PHOX2A: variants seen among roughly 807,000 people sequenced by gnomAD.
PHOX2A encodes the protein paired like homeobox 2A.
A neutral mutation model predicts 16.4 loss-of-function variants in PHOX2A; 10 were observed. The ratio of observed to expected loss-of-function variants is 0.61; its 90% confidence interval spans 0.38 to 1.04. The LOEUF (loss-of-function observed/expected upper bound fraction) is 1.04. Among genes scored for constraint, PHOX2A ranks in the 50% least tolerant of loss-of-function variants. The probability of loss-of-function intolerance (pLI) is 0.01; values close to 1 mark genes in which losing one functional copy is unlikely to be tolerated. For missense variants in PHOX2A, 361 were observed against 419.4 expected (o/e 0.86, Z 1.22); for synonymous variants, 219 against 203.8 (o/e 1.07, Z -0.64).
At position 72,239,680 on chromosome 11, in the gene PHOX2A, G is replaced by C. The variant is rs912169607; in HGVS notation, c.*69C>G. On this transcript the variant is annotated 3_prime_UTR_variant, in exon 3 of 3. Coordinates refer to ENST00000298231, the MANE Select transcript of PHOX2A (RefSeq NM_005169.4). ...TTCCAGGCGGGTGGCCAGGATGGGA[G>C]GGGCTGTCAGGTCCTGGAGGGGCAG... The C allele has an allele frequency of 2.5e-6, 3 of 1,189,716 alleles. No homozygotes were observed. The highest frequency in any genetic ancestry group is 7.4e-5 in the Admixed American group (2 of 27,026). The allele number at this position is 1,189,716 out of a possible 1,614,324, so 73.7% of individuals were successfully genotyped here. A position where few individuals can be genotyped will look rare whatever the true frequency, so the allele number is the denominator to read the frequency against.
chr11:72,243,953 C>T lies in PHOX2A; in HGVS notation c.52G>A (p.Ala18Thr), dbSNP rs1949142160. 4 of 1,311,240 alleles carry T rather than the reference C, an allele frequency of 3.1e-6. No homozygotes were observed. In the Admixed American group the frequency reaches 1.3e-4, roughly 41 times the overall value. The allele number at this position is 1,311,240 out of a possible 1,614,324, so 81.2% of individuals were successfully genotyped here. The change falls in exon 1 of 3, where the codon GCG becomes ACG. Residue 18 changes from alanine (A) to threonine (T), a missense_variant. Ala to Thr is a moderately conservative substitution (Grantham distance 58, BLOSUM62 0). Transcript: ENST00000298231. ...SYDSCVAAMEASAYGDFGACS... is the reference protein window; with the variant it reads ...SYDSCVAAMETSAYGDFGACS... ...GCGCCAAAGTCGCCGTAGGCGGACG[C>T]CTCCATGGCCGCCACGCACGAGTCG...
intron 1 of PHOX2A, 131 bp downstream of exon 1, chr11:72,243,657 T>C (rs1949139211): frequency 6.9e-6 from 3 of 432,750 alleles, no homozygotes; most frequent in South Asian, 1.2e-4. Flanking sequence ...TCTGGGGGTC[T>C]CTCGGGGCAT....
At position 72,241,280 on chromosome 11, in the gene PHOX2A, T is replaced by A; in HGVS notation, c.227A>T (p.Lys76Met). ...CAGGCCGGATGGCTCTGGGAAGAACTTGTAGGGCACTGCGGGTGTGTGCAG... is the reference window on the plus strand; with the variant it reads ...CAGGCCGGATGGCTCTGGGAAGAACATGTAGGGCACTGCGGGTGTGTGCAG... ...QPAPYSAVPY[K>M]FFPEPSGLHE... The change falls in exon 2 of 3, where the codon AAG becomes ATG. Residue 76 changes from lysine (K) to methionine (M), a missense_variant. Lys to Met is a moderately conservative substitution (Grantham distance 95, BLOSUM62 -1). Coordinates refer to ENST00000298231, the MANE Select transcript of PHOX2A (RefSeq NM_005169.4). The A allele has an allele frequency of 6.4e-7, 1 of 1,563,942 alleles. No homozygotes were observed. Among genetic ancestry groups the A allele is most frequent in the Non-Finnish European group, 8.6e-7 (1 of 1,159,198 alleles).
chr11:72,239,522 G>C lies in PHOX2A; in HGVS notation c.*227C>G, dbSNP rs1256795128. The C allele has an allele frequency of 2.5e-6, 1 of 392,348 alleles. No individual in the cohort carries two copies. Among genetic ancestry groups the C allele is most frequent in the Non-Finnish European group, 4.5e-6 (1 of 222,556 alleles). The allele number at this position is 392,348 out of a possible 1,614,324, so 24.3% of individuals were successfully genotyped here. A position where few individuals can be genotyped will look rare whatever the true frequency, so the allele number is the denominator to read the frequency against. On this transcript the variant is annotated 3_prime_UTR_variant, in exon 3 of 3. Transcript: ENST00000298231. The stretch of plus-strand genomic sequence containing the variant: ...AAGGAGCTCCGGGGTTCTCCTGGAG[G>C]AGGTCCCGGTATAAAGAACTCCGCT...
At chr11:72,242,838 T>TTTC (rs1949132868) in intron 1 of PHOX2A, among the ~76,000 whole-genome samples, 1 of 143,246 alleles carries the variant, frequency 7.0e-6, no homozygotes, top group African/African-American at 2.6e-5. Flanking sequence ...TTTTTTTTTT[T>TTTC]GTATTTTTAA....
Position 72,239,830 on chromosome 11 carries a change from C to T in PHOX2A, c.774G>A (p.Glu258=), listed in dbSNP as rs1479101164. ...AELLKAWQPA[E]SGPGPFSGVL... is the part of the protein sequence containing the mutation. ...CCCCGGAGAAGGGCCCGGGGCCGGA[C>T]TCCGCCGGCTGCCAAGCCTTAAGTA... The change falls in exon 3 of 3, where the codon GAG becomes GAA. Residue 258 remains glutamate, a synonymous_variant. Transcript: ENST00000298231. The T allele has an allele frequency of 1.5e-6, 2 of 1,367,220 alleles. No homozygotes were observed. Among genetic ancestry groups the T allele is most frequent in the Non-Finnish European group, 1.9e-6 (2 of 1,050,848 alleles). The allele number at this position is 1,367,220 out of a possible 1,614,324, so 84.7% of individuals were successfully genotyped here. A position where few individuals can be genotyped will look rare whatever the true frequency, so the allele number is the denominator to read the frequency against.
In PHOX2A at chr11:72,243,933, A is replaced by G. The variant is rs1269194519; in HGVS notation, c.72T>C (p.Phe24=). 2 of 1,310,850 alleles carry G rather than the reference A, an allele frequency of 1.5e-6. No individual in the cohort carries two copies. The highest frequency in any genetic ancestry group is 3.0e-5 in the African/African-American group (2 of 66,028). The allele number at this position is 1,310,850 out of a possible 1,614,324, so 81.2% of individuals were successfully genotyped here. The change falls in exon 1 of 3, where the codon TTT becomes TTC. Residue 24 remains phenylalanine, a synonymous_variant. Transcript: ENST00000298231. ...AAMEASAYGD[F]GACSQPGGFQ... ...AGCCGCCGGGCTGGCTGCAGGCGCCAAAGTCGCCGTAGGCGGACGCCTCCA... is the reference window on the plus strand; with the variant it reads ...AGCCGCCGGGCTGGCTGCAGGCGCCGAAGTCGCCGTAGGCGGACGCCTCCA...
In PHOX2A at chr11:72,243,881, A is replaced by G. The variant is rs757314327; in HGVS notation, c.124T>C (p.Phe42Leu). The change falls in exon 1 of 3, where the codon TTC (phenylalanine) becomes CTC (leucine). Residue 42 changes from phenylalanine to leucine, a missense_variant. Phe to Leu is a conservative substitution (Grantham distance 22). Around this residue, in one of 3 missense-constraint regions of PHOX2A, gnomAD observed 235 missense variants for 263.8 expected, o/e 0.89. Coordinates refer to ENST00000298231, the MANE Select transcript of PHOX2A (RefSeq NM_005169.4). Reference protein sequence around the residue: ...GFQYSPLRPAFPAAGPPCPAL... With the variant: ...GFQYSPLRPALPAAGPPCPAL... ...GGGCAGGGCGGCCCTGCCGCGGGGA[A>G]AGCGGGCCGCAGGGGGCTGTATTGG... 3 of 1,279,230 alleles carry G rather than the reference A, an allele frequency of 2.3e-6. No individual in the cohort carries two copies. The highest frequency in any genetic ancestry group is 2.9e-5 in the South Asian group (1 of 34,504). 79.2% of individuals were successfully genotyped at this position (1,279,230 alleles called of 1,614,324 possible).
At chr11:72,240,306 G>A (rs1949106279) in intron 2 of PHOX2A, 108 bp from the exon 3 acceptor site, 2 of 1,443,770 alleles carry the variant, frequency 1.4e-6, no homozygotes, top group East Asian at 2.6e-5. Flanking sequence ...AACCGGGCCC[G>A]GGTTCTTACT....
chr11:72,241,113 C>A lies in PHOX2A; in HGVS notation c.394G>T (p.Ala132Ser). ...ELALKIDLTE[A>S]RVQVWFQNRR... ...GTGCATACACGCACCTGCACGCGAG[C>A]CTCAGTGAGGTCGATCTTGAGCGCC... The change falls in exon 2 of 3, where the codon GCT becomes TCT. Residue 132 changes from alanine (A) to serine (S), a missense_variant. Physicochemically the swap from Ala to Ser is moderately conservative, Grantham distance 99. Transcript: ENST00000298231. The A allele has an allele frequency of 6.2e-7, 1 of 1,613,954 alleles. No individual in the cohort carries two copies. Among genetic ancestry groups the A allele is most frequent in the Non-Finnish European group, 8.5e-7 (1 of 1,180,030 alleles).
Position 72,239,489 on chromosome 11 carries a change from C to G in PHOX2A, c.*260G>C, listed in dbSNP as rs568574340. On this transcript the variant is annotated 3_prime_UTR_variant, in exon 3 of 3. Coordinates refer to ENST00000298231, the MANE Select transcript of PHOX2A (RefSeq NM_005169.4). ...ATGTGATACCGCATCCAAAGAAGGC[C>G]AAGCTAGAAGGAGCTCCGGGGTTCT... 4 of 363,570 alleles carry G rather than the reference C, an allele frequency of 1.1e-5. No homozygotes were observed. The Admixed American group carries it at 1.9e-4, about 17-fold the overall frequency. The allele number at this position is 363,570 out of a possible 1,614,324, so 22.5% of individuals were successfully genotyped here.
Position 72,243,864 on chromosome 11 carries a change from C to A in PHOX2A, c.141G>T (p.Pro47=), listed in dbSNP as rs2135458093. ...TGGAGGAGCCGAGCGCGGGGCAGGG[C>A]GGCCCTGCCGCGGGGAAAGCGGGCC... ...PLRPAFPAAG[P]PCPALGSSNC... is the part of the protein sequence containing the mutation. Residue 47 remains proline (P), a synonymous_variant, in exon 1 of 3, where the codon CCG becomes CCT. Transcript: ENST00000298231. The A allele has an allele frequency of 1.6e-6, 2 of 1,269,442 alleles. No homozygotes were observed. Among genetic ancestry groups the A allele is most frequent in the Non-Finnish European group, 2.0e-6 (2 of 1,003,456 alleles). The allele number at this position is 1,269,442 out of a possible 1,614,324, so 78.6% of individuals were successfully genotyped here. A position where few individuals can be genotyped will look rare whatever the true frequency, so the allele number is the denominator to read the frequency against.
chr11:72,244,013 G>A lies in PHOX2A; in HGVS notation c.-9C>T, dbSNP rs774045627. The A allele has an allele frequency of 7.3e-6, 9 of 1,234,330 alleles. No homozygotes were observed. The highest frequency in any genetic ancestry group is 9.3e-6 in the Non-Finnish European group (9 of 971,600). 76.5% of individuals were successfully genotyped at this position (1,234,330 alleles called of 1,614,324 possible). A position where few individuals can be genotyped will look rare whatever the true frequency, so the allele number is the denominator to read the frequency against. On this transcript the variant is annotated 5_prime_UTR_variant, in exon 1 of 3. Transcript: ENST00000298231. ...AGGTAGGAGTAGTCCATCGGCCCGG[G>A]GGGCGGGGGCGGGGGCCGGGCCAGG...
intron 1 of PHOX2A, among the ~76,000 whole-genome samples, chr11:72,242,383 G>C (rs190931065): frequency 6.6e-6 from 1 of 152,178 alleles, no homozygotes; most frequent in East Asian, 1.9e-4. Context: ...CCCATCGCCT[G>C]ATACTTATCT....
intron 2 of PHOX2A, 31 bp from the exon 3 acceptor site, chr11:72,240,229 G>A (rs1303739952): frequency 1.3e-6 from 2 of 1,530,040 alleles, no homozygotes; most frequent in Admixed American, 4.0e-5. Flanking sequence ...CAGCCTGGAC[G>A]AGGGTCGGAG....
rs1949085971 is a variant in PHOX2A, at chr11:72,239,163, T to C, written c.*586A>G. ...CAAAGAAAAAGGACAACCAAAAAAA[T>C]TAGGGAAAGAGAATCCCTCTGTCCC... On this transcript the variant is annotated 3_prime_UTR_variant, in exon 3 of 3. Transcript: ENST00000298231. The C allele has an allele frequency of 6.6e-6, 1 of 152,184 alleles. No homozygotes were observed. The highest frequency in any genetic ancestry group is 2.4e-5 in the African/African-American group (1 of 41,420). The allele number at this position is 152,184 out of a possible 1,614,324, so 9.4% of individuals were successfully genotyped here.
chr11:72,241,636 A>G (rs1411850284), intron 1 of PHOX2A, among the ~76,000 whole-genome samples: 1 of 141,452 alleles, frequency 7.1e-6, no homozygotes, highest in Non-Finnish European at 1.5e-5. Flanking sequence ...CCCCCATTCA[A>G]CCGTGCCTCC....
chr11:72,239,940 G>A lies in PHOX2A; in HGVS notation c.664C>T (p.Pro222Ser). ...VALGSGPGPG[P>S]GPQPLKGALW... ...GCGCCCTTGAGCGGCTGTGGCCCCG[G>A]CCCAGGTCCCGGCCCGGAGCCCAGT... The change falls in exon 3 of 3, where the codon CCG becomes TCG. Residue 222 changes from proline to serine, a missense_variant. Around this residue, in one of 3 missense-constraint regions of PHOX2A, gnomAD observed 55 missense variants for 101.6 expected, o/e 0.54. Transcript: ENST00000298231. 7.7e-7 allele frequency: 1 copy of A among 1,299,618 alleles called. No individual in the cohort carries two copies. The allele number at this position is 1,299,618 out of a possible 1,614,324, so 80.5% of individuals were successfully genotyped here. A position where few individuals can be genotyped will look rare whatever the true frequency, so the allele number is the denominator to read the frequency against.
chr11:72,239,555 T>C lies in PHOX2A; in HGVS notation c.*194A>G. On this transcript the variant is annotated 3_prime_UTR_variant, in exon 3 of 3. Coordinates refer to ENST00000298231, the MANE Select transcript of PHOX2A (RefSeq NM_005169.4). ...GGTATAAAGAACTCCGCTCTGCTGG[T>C]AGAGGGTGGGTGAGGACGAGAGTGG... The C allele has an allele frequency of 2.4e-6, 1 of 410,180 alleles. No homozygotes were observed. 25.4% of individuals were successfully genotyped at this position (410,180 alleles called of 1,614,324 possible).
Sources: gnomAD v4.1 joint callset for allele counts (sites outside exome capture counted in the v4.1 genomes callset) on GRCh38, gnomAD v4.1.1 for gene constraint, gnomAD v4.1.1 regional missense constraint, MANE v1.5 for transcripts, NCBI Gene and HGNC (gene_info 2026-07-23, HGNC 2026-07-21) for gene names.